ARHGEF11: variants seen among roughly 807,000 people sequenced by gnomAD.
ARHGEF11 encodes Rho guanine nucleotide exchange factor 11, also known as Rho guanine exchange factor (GEF) 11.
A neutral mutation model predicts 193.7 loss-of-function variants in ARHGEF11; 55 were observed. The ratio of observed to expected loss-of-function variants is 0.28; its 90% CI spans 0.23 to 0.36. The LOEUF (loss-of-function observed/expected upper bound fraction) is 0.36. Ranked by LOEUF, ARHGEF11 falls within the 10% of genes least tolerant of loss-of-function variation. The pLI is 1.00. For synonymous variants in ARHGEF11, 693 were observed against 768.0 expected (o/e 0.90, Z 1.62); for missense variants, 1,723 against 2,005.6 (o/e 0.86, Z 2.69).
chr1:157,009,065 G>GTATA (rs1309083701), intron 1 of ARHGEF11, among the ~76,000 whole-genome samples: 2 of 152,216 alleles, frequency 1.3e-5, no homozygotes, highest in Non-Finnish European at 2.9e-5. Flanking sequence ...AGACTGCCCA[G>GTATA]TATATCACCT....
intron 1 of ARHGEF11, among the ~76,000 whole-genome samples, chr1:157,028,353 A>C (rs1160597918): frequency 4.6e-5 from 7 of 152,156 alleles, no homozygotes; most frequent in Admixed American, 4.6e-4. Flanking sequence ...CACATGCATT[A>C]TTTTTATTTA....
At chr1:157,041,931 G>A (rs1672801162) in intron 1 of ARHGEF11, among the ~76,000 whole-genome samples, 3 of 152,142 alleles carry the variant, frequency 2.0e-5, no homozygotes, top group Non-Finnish European at 4.4e-5. Context: ...TCTCTACACA[G>A]CAAACTGATA....
chr1:156,984,313 G>C, intron 3 of ARHGEF11, 26 bp downstream of exon 3: 1 of 1,549,194 alleles, frequency 6.5e-7, no homozygotes. Context: ...ACTGTCCACC[G>C]TGGGCAGGAG....
At chr1:157,000,312 A>G (rs1667064833) in intron 1 of ARHGEF11, among the ~76,000 whole-genome samples, 1 of 152,218 alleles carries the variant, frequency 6.6e-6, no homozygotes, top group Non-Finnish European at 1.5e-5. Flanking sequence ...AGATAAGTAA[A>G]TATGTTCTGA....
intron 1 of ARHGEF11, among the ~76,000 whole-genome samples, chr1:157,017,351 C>T (rs191259753): frequency 7.5e-4 from 114 of 152,122 alleles, no homozygotes; most frequent in Non-Finnish European, 1.1e-3. Flanking sequence ...TTTGTATGTC[C>T]GTCTCTTCCA....
intron 5 of ARHGEF11, 112 bp downstream of exon 5, chr1:156,979,117 C>T (rs1663712648): frequency 2.0e-6 from 2 of 984,370 alleles, no homozygotes; most frequent in East Asian, 2.4e-5. Flanking sequence ...AGCTGCCTCA[C>T]ATATCTACAA....
At position 156,947,342 on chromosome 1, in the gene ARHGEF11, C is replaced by T. The variant is rs375505289; in HGVS notation, c.2450G>A (p.Arg817Gln). The change falls in exon 26 of 41, where the codon CGG becomes CAG. Residue 817 changes from arginine (R) to glutamine (Q), a missense_variant. By Grantham distance (43) the Arg-to-Gln change is conservative. Coordinates refer to ENST00000368194, the MANE Select transcript of ARHGEF11 (RefSeq NM_198236.3). ...GAGTTCAGGCAGGTTCGGGAAGAGCCGGGCCAGCTCCTCCCGGGGCATCAG... is the reference window on the plus strand; with the variant it reads ...GAGTTCAGGCAGGTTCGGGAAGAGCTGGGCCAGCTCCTCCCGGGGCATCAG... ...ENLMPREELA[R>Q]LFPNLPELIE... 6.4e-5 allele frequency: 103 copies of T among 1,613,426 alleles called. No individual in the cohort carries two copies. The highest frequency in any genetic ancestry group is 1.7e-4 in the Middle Eastern group (1 of 6,060).
chr1:156,988,478 T>C (rs1250630091), intron 1 of ARHGEF11, among the ~76,000 whole-genome samples: 1 of 152,198 alleles, frequency 6.6e-6, no homozygotes, highest in Non-Finnish European at 1.5e-5. Flanking sequence ...GCCCATCTTA[T>C]CTTGGGACAC....
intron 1 of ARHGEF11, among the ~76,000 whole-genome samples, chr1:157,024,660 G>A (rs1670428119): frequency 6.6e-6 from 1 of 151,778 alleles, no homozygotes; most frequent in South Asian, 2.1e-4. Context: ...TTGACTTGAG[G>A]GTCCATTTAT....
At chr1:157,031,545 T>A (rs1671310779) in intron 1 of ARHGEF11, among the ~76,000 whole-genome samples, 1 of 152,212 alleles carries the variant, frequency 6.6e-6, no homozygotes, top group African/African-American at 2.4e-5. Flanking sequence ...CACATCTGCA[T>A]CTCAGACTCA....
intron 4 of ARHGEF11, among the ~76,000 whole-genome samples, chr1:156,979,930 C>G (rs1031947973): frequency 6.6e-6 from 1 of 152,206 alleles, no homozygotes; most frequent in African/African-American, 2.4e-5. Flanking sequence ...TTCCTCATTA[C>G]AGAGGACTAA....
At chr1:156,976,417 T>C (rs753945248) in intron 7 of ARHGEF11, among the ~76,000 whole-genome samples, 1 of 152,202 alleles carries the variant, frequency 6.6e-6, no homozygotes. Context: ...TTTCCTCCAT[T>C]AGATTTTAAA....
At chr1:156,987,558 G>A (rs752381412) in intron 1 of ARHGEF11, among the ~76,000 whole-genome samples, 1 of 152,120 alleles carries the variant, frequency 6.6e-6, no homozygotes, top group Non-Finnish European at 1.5e-5. Context: ...CTCTGAGGAG[G>A]GAAACTGGGT....
chr1:156,983,700 G>C (rs75950073), intron 3 of ARHGEF11, among the ~76,000 whole-genome samples: 4,091 of 152,244 alleles, frequency 0.027, 72 homozygotes, highest in South Asian at 0.055. Context: ...CTATCCTGCT[G>C]ATTTGCTTTT....
chr1:156,948,923 CTGCTT>C lies in ARHGEF11; in HGVS notation c.1926-430_1926-426del, dbSNP rs1658654035. On this transcript the variant is annotated intron_variant, in intron 22 of 40. Coordinates refer to ENST00000368194, the MANE Select transcript of ARHGEF11 (RefSeq NM_198236.3). The surrounding 1 kb of genome is among the most constrained non-coding windows in gnomAD (Gnocchi z 4.2). ...CCCTAGTGGCCAGTTCACGTTGCCT[CTGCTT>C]TGGAACGGGTCAGCTCCCACCTTTA... 1.0e-6 allele frequency: 1 copy of C among 985,314 alleles called. No individual in the cohort carries two copies. 61.0% of individuals were successfully genotyped at this position (985,314 alleles called of 1,614,324 possible). A position where few individuals can be genotyped will look rare whatever the true frequency, so the allele number is the denominator to read the frequency against.
At chr1:156,993,716 C>T (rs756456333) in intron 1 of ARHGEF11, among the ~76,000 whole-genome samples, 3 of 152,250 alleles carry the variant, frequency 2.0e-5, no homozygotes, top group Middle Eastern at 3.4e-3. Context: ...ATTCTGCCTC[C>T]GGGTAGAATT....
intron 1 of ARHGEF11, among the ~76,000 whole-genome samples, chr1:156,991,184 A>G (rs1665639838): frequency 6.6e-6 from 1 of 152,226 alleles, no homozygotes; most frequent in Admixed American, 6.5e-5. Flanking sequence ...TGGAGTTACT[A>G]CATCAGTATC....
intron 1 of ARHGEF11, among the ~76,000 whole-genome samples, chr1:157,036,511 G>A (rs879486776): frequency 5.9e-5 from 9 of 151,800 alleles, no homozygotes; most frequent in African/African-American, 9.7e-5. Context: ...TAGTAGAGAC[G>A]GGGTTTCACC....
chr1:156,960,295 C>T lies in ARHGEF11; in HGVS notation c.1282+123G>A, dbSNP rs534403136. ...GGAGCAATCATCCCATGGGTCTTTT[C>T]CTCTATTACAGGACGGTTGCCCAAG... On this transcript the variant is annotated intron_variant, in intron 15 of 40. Transcript: ENST00000368194. 1.0e-5 allele frequency: 9 copies of T among 899,238 alleles called. No homozygotes were observed. In the East Asian group the frequency reaches 2.2e-4, roughly 22 times the overall value. The allele number at this position is 899,238 out of a possible 1,614,324, so 55.7% of individuals were successfully genotyped here. A position where few individuals can be genotyped will look rare whatever the true frequency, so the allele number is the denominator to read the frequency against.
Sources: gnomAD v4.1 joint callset for allele counts (sites outside exome capture counted in the v4.1 genomes callset) on GRCh38, gnomAD v4.1.1 for gene constraint, Gnocchi (gnomAD v3.1) non-coding constraint, MANE v1.5 for transcripts, NCBI Gene and HGNC (gene_info 2026-07-23, HGNC 2026-07-21) for gene names.